Variants in SUPT20H observed in about 807,000 individuals in gnomAD.
The protein encoded by SUPT20H is transcription factor SPT20 homolog.
A neutral mutation model predicts 122.8 loss-of-function variants in SUPT20H; 82 were observed. That is an observed-to-expected ratio of 0.67 (90% CI 0.56 to 0.80). The LOEUF (loss-of-function observed/expected upper bound fraction) is 0.80, where lower values mean the gene tolerates loss of function less well. Among genes scored for constraint, SUPT20H ranks in the 30% least tolerant of loss-of-function variants. The pLI is 0.00. For missense variants in SUPT20H, 831 were observed against 921.6 expected, an observed-to-expected ratio of 0.90 and a Z score of 1.27; for synonymous variants, 291 against 313.0, an observed-to-expected ratio of 0.93 and a Z score of 0.74.
intron 1 of SUPT20H, among the ~76,000 whole-genome samples, chr13:37,051,803 A>T (rs1414832640): frequency 6.6e-6 from 1 of 152,200 alleles, no homozygotes; most frequent in Non-Finnish European, 1.5e-5. Context: ...GGCAAAACAC[A>T]CTTGCCAAGT....
At chr13:37,051,693 A>G (rs2067734917) in intron 1 of SUPT20H, 110 bp from the exon 2 acceptor site, 1 of 449,250 alleles carries the variant, frequency 2.2e-6, no homozygotes, top group Admixed American at 3.9e-5. Flanking sequence ...TATTTTTAAG[A>G]CATACATATT....
In SUPT20H at chr13:37,031,912, T is replaced by G; in HGVS notation, c.708-17A>C. ...TTGAAACACCTGAAATATTAAGAAA[T>G]TTGAACTAAACGGCACTAATAAAAG... On this transcript the variant is annotated splice_polypyrimidine_tract_variant and intron_variant, in intron 10 of 25. Transcript: ENST00000350612. 1 of 1,564,720 alleles carries G rather than the reference T, an allele frequency of 6.4e-7. No homozygotes were observed. Among genetic ancestry groups the G allele is most frequent in the Non-Finnish European group, 8.6e-7 (1 of 1,164,002 alleles).
Position 37,009,488 on chromosome 13 carries a change from C to T in SUPT20H, c.*184G>A. 1 of 855,530 alleles carries T rather than the reference C, an allele frequency of 1.2e-6. No individual in the cohort carries two copies. The allele number at this position is 855,530 out of a possible 1,614,324, so 53.0% of individuals were successfully genotyped here. A position where few individuals can be genotyped will look rare whatever the true frequency, so the allele number is the denominator to read the frequency against. On this transcript the variant is annotated 3_prime_UTR_variant, in exon 26 of 26. Coordinates refer to ENST00000350612, the MANE Select transcript of SUPT20H (RefSeq NM_001014286.3). ...AAAAGCAATGACTTAGGCAAACCAA[C>T]CCTAGTTTGTTAAACCATTTCCCTG... is the stretch of plus-strand genomic sequence containing the variant.
intron 1 of SUPT20H, among the ~76,000 whole-genome samples, chr13:37,059,011 G>A (rs934387257): frequency 2.6e-5 from 4 of 152,138 alleles, no homozygotes; most frequent in South Asian, 2.1e-4. Context: ...CAGTGGCTAC[G>A]GGAGATGGCT....
intron 24 of SUPT20H, among the ~76,000 whole-genome samples, chr13:37,011,960 C>T (rs2059696652): frequency 6.6e-6 from 1 of 152,056 alleles, no homozygotes; most frequent in Non-Finnish European, 1.5e-5. Context: ...TGCCAGTAAA[C>T]TGTAACAAGG....
At chr13:37,041,163 A>G (rs2138645288) in intron 7 of SUPT20H, among the ~76,000 whole-genome samples, 1 of 152,356 alleles carries the variant, frequency 6.6e-6, no homozygotes, top group Non-Finnish European at 1.5e-5. Flanking sequence ...AATTTTCAGA[A>G]ATATAATTTT....
In SUPT20H at chr13:37,022,015, C is replaced by A; in HGVS notation, c.1657G>T (p.Val553Phe). ...GLNFINVVGSVCGAQALMSGS... is the reference protein window; with the variant it reads ...GLNFINVVGSFCGAQALMSGS... ...CGAACATCAATGCAAACTTACCAAA[C>A]AGAGCCCACTACATTGATGAAGTTA... Residue 553 changes from valine to phenylalanine, a missense_variant, in exon 20 of 26, where the codon GTT (valine) becomes TTT (phenylalanine). Val to Phe is a conservative substitution (Grantham distance 50). Coordinates refer to ENST00000350612, the MANE Select transcript of SUPT20H (RefSeq NM_001014286.3). The surrounding 1 kb of genome is among the most constrained non-coding windows in gnomAD (Gnocchi z 4.5). 1 of 1,576,056 alleles carries A rather than the reference C, an allele frequency of 6.3e-7. No individual in the cohort carries two copies. Among genetic ancestry groups the A allele is most frequent in the Non-Finnish European group, 8.6e-7 (1 of 1,157,950 alleles).
In SUPT20H at chr13:37,045,352, A is replaced by G. The variant is rs2066232300; in HGVS notation, c.187T>C (p.Leu63=). ...EVKKLRRNVN[L]LEKLVMQETL... ...TCTTGCATAACAAGCTTCTCTAACA[A>G]GTTCACATTTCTTCTTAATTTCTGC... is the stretch of plus-strand genomic sequence containing the variant. Residue 63 remains leucine, a synonymous_variant, in exon 6 of 26, where the codon TTG becomes CTG. Transcript: ENST00000350612. 6.2e-7 allele frequency: 1 copy of G among 1,613,412 alleles called. No homozygotes were observed. Among genetic ancestry groups the G allele is most frequent in the Admixed American group, 1.7e-5 (1 of 59,946 alleles).
chr13:37,024,916 A>G (rs2061972415), intron 17 of SUPT20H: 1 of 178,026 alleles, frequency 5.6e-6, no homozygotes, highest in Non-Finnish European at 1.2e-5. Flanking sequence ...AAACAAAACT[A>G]AACTGTACCC....
chr13:37,025,253 T>C lies in SUPT20H; in HGVS notation c.1329+67A>G, dbSNP rs535911480. The C allele has an allele frequency of 5.3e-4, 722 of 1,351,714 alleles. 12 individuals carry two copies. In the South Asian group the frequency reaches 7.2e-3, roughly 13 times the overall value. The allele number at this position is 1,351,714 out of a possible 1,614,324, so 83.7% of individuals were successfully genotyped here. On this transcript the variant is annotated intron_variant, in intron 17 of 25. Transcript: ENST00000350612. ...CACTGTGCCTAGCCTCCAAAAATGA[T>C]TCTTAACATTTCTCAGATTACTTGT...
At position 37,047,560 on chromosome 13, in the gene SUPT20H, T is replaced by C. The variant is rs2139008605; in HGVS notation, c.140A>G (p.Glu47Gly). ...CTTAACTTCAGGTTCTTTTTCACAT[T>C]CTTCAATATACAAGTCATAAAGTTT... ...FQKLYDLYIE[E>G]CEKEPEVKKL... The change falls in exon 5 of 26, where the codon GAA (glutamate) becomes GGA (glycine). Residue 47 changes from glutamate (E) to glycine (G), a missense_variant. Glu to Gly is a moderately conservative substitution (Grantham distance 98). Coordinates refer to ENST00000350612, the MANE Select transcript of SUPT20H (RefSeq NM_001014286.3). 1 of 1,438,468 alleles carries C rather than the reference T, an allele frequency of 7.0e-7. No homozygotes were observed. The highest frequency in any genetic ancestry group is 1.5e-5 in the African/African-American group (1 of 68,282). The allele number at this position is 1,438,468 out of a possible 1,614,324, so 89.1% of individuals were successfully genotyped here.
chr13:37,019,676 G>A (rs1397377406), intron 21 of SUPT20H, among the ~76,000 whole-genome samples: 1 of 152,232 alleles, frequency 6.6e-6, no homozygotes, highest in African/African-American at 2.4e-5. Flanking sequence ...GCTGAACAAA[G>A]AGTAATCAAG....
At chr13:37,053,437 A>G (rs1055711910) in intron 1 of SUPT20H, among the ~76,000 whole-genome samples, 5 of 151,972 alleles carry the variant, frequency 3.3e-5, no homozygotes, top group African/African-American at 1.2e-4. Flanking sequence ...AAAACCACAC[A>G]TCACATGCTT....
At chr13:37,054,668 T>C (rs1215537646) in intron 1 of SUPT20H, among the ~76,000 whole-genome samples, 1 of 152,192 alleles carries the variant, frequency 6.6e-6, no homozygotes, top group East Asian at 1.9e-4. Flanking sequence ...TCATACTGAA[T>C]GGGCAAAAAC....
intron 2 of SUPT20H, 69 bp from the exon 3 acceptor site, chr13:37,048,668 C>T: frequency 2.2e-6 from 3 of 1,379,800 alleles, no homozygotes; most frequent in Non-Finnish European, 3.0e-6. Flanking sequence ...ATACATTTAA[C>T]ATTTCTAATG....
chr13:37,030,923 A>G (rs955582842), intron 12 of SUPT20H, among the ~76,000 whole-genome samples: 1 of 152,150 alleles, frequency 6.6e-6, no homozygotes, highest in East Asian at 1.9e-4. Context: ...AGTAAGAATA[A>G]TGCATGTGCT....
intron 6 of SUPT20H, 65 bp downstream of exon 6, chr13:37,045,182 T>A (rs558750743): frequency 2.5e-6 from 4 of 1,596,064 alleles, no homozygotes; most frequent in East Asian, 2.2e-5. Flanking sequence ...AAAACTACTT[T>A]AAAAAAACCG....
At chr13:37,034,151 T>C (rs2138222419) in intron 9 of SUPT20H, among the ~76,000 whole-genome samples, 1 of 152,322 alleles carries the variant, frequency 6.6e-6, no homozygotes, top group South Asian at 2.1e-4. Context: ...AAATGGCCTC[T>C]TAGTGTTCAA....
In SUPT20H at chr13:37,009,626, C is replaced by T. The variant is rs1455353837; in HGVS notation, c.*46G>A. 1 of 1,608,776 alleles carries T rather than the reference C, an allele frequency of 6.2e-7. No individual in the cohort carries two copies. The highest frequency in any genetic ancestry group is 1.1e-5 in the South Asian group (1 of 90,624). ...AAGTAGAAACTCAATTCTTTTGATT[C>T]AGTGCTCTTGTGTTTTTAAAAAAGG... On this transcript the variant is annotated 3_prime_UTR_variant, in exon 26 of 26. Coordinates refer to ENST00000350612, the MANE Select transcript of SUPT20H (RefSeq NM_001014286.3).
Sources: allele counts gnomAD v4.1 joint callset (sites outside exome capture counted in the v4.1 genomes callset), GRCh38; gene constraint gnomAD v4.1.1; non-coding constraint Gnocchi (gnomAD v3.1); transcripts MANE v1.5; gene names NCBI Gene and HGNC (gene_info 2026-07-23, HGNC 2026-07-21).